Variants in FGF14 observed in about 807,000 individuals in gnomAD.
FGF14 encodes fibroblast growth factor homologous factor 4.
A neutral mutation model predicts 25.5 loss-of-function variants in FGF14; 5 were observed. The ratio of observed to expected loss-of-function variants is 0.20; its 90% CI spans 0.10 to 0.41. The LOEUF (loss-of-function observed/expected upper bound fraction) is 0.41, where lower values mean the gene tolerates loss of function less well. Ranked by LOEUF, FGF14 falls within the 10% of genes least tolerant of loss-of-function variation. FGF14 has a pLI of 1.00. For missense variants in FGF14, 222 were observed against 320.1 expected (o/e 0.69, Z 2.34); for synonymous variants, 138 against 118.3 (o/e 1.17, Z -1.08).
At chr13:101,740,615 G>A (rs1391566273) in intron 3 of FGF14, among the ~76,000 whole-genome samples, 1 of 152,032 alleles carries the variant, frequency 6.6e-6, no homozygotes, top group Admixed American at 6.5e-5. Flanking sequence ...TTTTGTCCAT[G>A]TTCATTGGTG....
At chr13:102,292,024 G>C (rs1365821441) in intron 1 of FGF14, among the ~76,000 whole-genome samples, 1 of 152,102 alleles carries the variant, frequency 6.6e-6, no homozygotes, top group Non-Finnish European at 1.5e-5. Flanking sequence ...ATCTGGATTA[G>C]AGCCGGCCTT....
chr13:102,339,071 T>TG (rs1487272634), intron 1 of FGF14, among the ~76,000 whole-genome samples: 10 of 151,332 alleles, frequency 6.6e-5, no homozygotes, highest in African/African-American at 1.9e-4. Context: ...AAATATGTAA[T>TG]TTTTTAATCC....
chr13:102,165,607 T>C (rs1440245794), intron 1 of FGF14, among the ~76,000 whole-genome samples: 2 of 132,100 alleles, frequency 1.5e-5, no homozygotes, highest in African/African-American at 2.9e-5. Context: ...TAGGTGGGAA[T>C]TGAACAATGA....
At position 102,081,627 on chromosome 13, in the gene FGF14, A is replaced by G. The variant is rs769588755; in HGVS notation, c.209-206331T>C. Among the ~76,000 whole-genome samples, 5 of 152,080 alleles carry G rather than the reference A, an allele frequency of 3.3e-5. 1 individual carries two copies. The highest frequency in any genetic ancestry group is 7.4e-5 in the Non-Finnish European group (5 of 68,026). On this transcript the variant is annotated intron_variant, in intron 1 of 4. Transcript: ENST00000376131. ...GGCCTTATTATCAATTGGAATAGATACTCATCCTCTGACATTTTACGAGTT... is the reference window on the plus strand; with the variant it reads ...GGCCTTATTATCAATTGGAATAGATGCTCATCCTCTGACATTTTACGAGTT...
chr13:101,970,504 G>A (rs1008214540), intron 1 of FGF14, among the ~76,000 whole-genome samples: 5 of 152,118 alleles, frequency 3.3e-5, no homozygotes, highest in Admixed American at 3.3e-4. Context: ...TCTTTGACAT[G>A]CTGAGTACTT....
At position 102,288,013 on chromosome 13, in the gene FGF14, A is replaced by G. The variant is rs150744662; in HGVS notation, c.208+113458T>C. ...AGGATGAATGATAAAAAGCATTTGCATCAGAGAATAAAGTAGTCTTTGAAG... is the reference window on the plus strand; with the variant it reads ...AGGATGAATGATAAAAAGCATTTGCGTCAGAGAATAAAGTAGTCTTTGAAG... On this transcript the variant is annotated intron_variant, in intron 1 of 4. Transcript: ENST00000376131. Among the ~76,000 whole-genome samples the G allele has an allele frequency of 5.7e-3, 861 of 152,374 alleles. 9 individuals carry two copies. Among genetic ancestry groups the G allele is most frequent in the African/African-American group, 0.019 (791 of 41,590 alleles).
At chr13:102,378,613 ATCTATCTATC>A (rs1391837299) in intron 1 of FGF14, among the ~76,000 whole-genome samples, 5 of 131,736 alleles carry the variant, frequency 3.8e-5, no homozygotes, top group African/African-American at 1.5e-4. Context: ...CTATCTATCT[ATCTATCTATC>A]TATCTATCTA....
chr13:102,327,109 A>G (rs999933191), intron 1 of FGF14, among the ~76,000 whole-genome samples: 5 of 152,238 alleles, frequency 3.3e-5, no homozygotes, highest in Non-Finnish European at 7.3e-5. Context: ...ATCAAAATAA[A>G]GTTCAAAAAT....
At chr13:102,291,023 TAAAA>T (rs1197975072) in intron 1 of FGF14, among the ~76,000 whole-genome samples, 5 of 151,900 alleles carry the variant, frequency 3.3e-5, no homozygotes. Flanking sequence ...TTTTGAAAAA[TAAAA>T]AGAAAAAATC....
chr13:101,794,854 T>A (rs1594274514), intron 3 of FGF14, among the ~76,000 whole-genome samples: 1 of 152,252 alleles, frequency 6.6e-6, no homozygotes, highest in Non-Finnish European at 1.5e-5. Flanking sequence ...TAAACTAGAT[T>A]CTAAAATATT....
At chr13:101,946,363 C>CAAAAAAAAAAAAAAAAAAAA (rs59866034) in intron 1 of FGF14, among the ~76,000 whole-genome samples, 5 of 91,950 alleles carry the variant, frequency 5.4e-5, no homozygotes, top group African/African-American at 1.8e-4. Context: ...GCTTCTCCAT[C>CAAAAAAAAAAAAAAAAAAAA]AAAAAAAAAA....
At chr13:102,379,436 A>T (rs866952189) in intron 1 of FGF14, among the ~76,000 whole-genome samples, 5 of 151,640 alleles carry the variant, frequency 3.3e-5, no homozygotes, top group Admixed American at 6.6e-5. Flanking sequence ...ACACATATTT[A>T]TATATATGTG....
intron 1 of FGF14, among the ~76,000 whole-genome samples, chr13:101,996,502 T>A (rs1406414224): frequency 1.3e-5 from 2 of 152,078 alleles, no homozygotes; most frequent in Non-Finnish European, 2.9e-5. Flanking sequence ...AACTAGGAGA[T>A]GTAGCTGATA....
chr13:101,972,407 T>C (rs531428494), intron 1 of FGF14, among the ~76,000 whole-genome samples: 1 of 152,342 alleles, frequency 6.6e-6, no homozygotes, highest in South Asian at 2.1e-4. Context: ...CCTGATGGCA[T>C]GGACAATTTT....
chr13:102,127,465 A>G (rs765963454), intron 1 of FGF14, among the ~76,000 whole-genome samples: 2 of 152,058 alleles, frequency 1.3e-5, no homozygotes, highest in Non-Finnish European at 1.5e-5. Flanking sequence ...CAGTGCACCC[A>G]AAGTCAAAGC....
At chr13:102,190,253 G>T (rs1177390199) in intron 1 of FGF14, among the ~76,000 whole-genome samples, 1 of 152,188 alleles carries the variant, frequency 6.6e-6, no homozygotes, top group African/African-American at 2.4e-5. Context: ...TCAGGGGATT[G>T]ACATACGCTT....
chr13:101,865,026 A>G (rs1468280747), intron 3 of FGF14, among the ~76,000 whole-genome samples: 2 of 152,146 alleles, frequency 1.3e-5, no homozygotes, highest in Non-Finnish European at 2.9e-5. Flanking sequence ...TCCAGGACCC[A>G]GGTGTTCTGA....
intron 1 of FGF14, among the ~76,000 whole-genome samples, chr13:102,394,089 T>G (rs921485194): frequency 6.6e-6 from 1 of 152,196 alleles, no homozygotes; most frequent in Admixed American, 6.5e-5. Context: ...CCCAGAAAAC[T>G]TCAGGACCCG....
At chr13:102,000,694 A>G (rs1306737916) in intron 1 of FGF14, among the ~76,000 whole-genome samples, 4 of 152,166 alleles carry the variant, frequency 2.6e-5, no homozygotes, top group Admixed American at 6.6e-5. Context: ...GGTCACCCTC[A>G]GTTTTCATCC....
Sources: gnomAD v4.1 joint callset for allele counts (sites outside exome capture counted in the v4.1 genomes callset) on GRCh38, gnomAD v4.1.1 for gene constraint, MANE v1.5 for transcripts, NCBI Gene and HGNC (gene_info 2026-07-23, HGNC 2026-07-21) for gene names.